TMEM87A: variants seen among roughly 807,000 people sequenced by gnomAD.
The protein encoded by TMEM87A is Golgi-pH regulating cation channel.
In TMEM87A, 50 loss-of-function variants were observed where a neutral mutation model predicts 90.0. The observed-to-expected ratio is 0.56, with a 90% CI of 0.44 to 0.70. The LOEUF is 0.70. Ranked by LOEUF, TMEM87A falls within the 30% of genes least tolerant of loss-of-function variation. The pLI, the probability that TMEM87A is intolerant of heterozygous loss-of-function variation, is 0.00. For missense variants in TMEM87A, 577 were observed against 660.5 expected, an observed-to-expected ratio of 0.87 and a Z score of 1.39; for synonymous variants, 226 against 226.7, an observed-to-expected ratio of 1.00 and a Z score of 0.03.
rs1433961603 is a variant in TMEM87A at position 42,260,991 on chromosome 15, A to G, written c.471T>C (p.Asn157=). The G allele has an allele frequency of 3.7e-6, 6 of 1,600,124 alleles. No individual in the cohort carries two copies. The highest frequency in any genetic ancestry group is 1.7e-5 in the Admixed American group (1 of 57,408). The change falls in exon 6 of 20, where the codon AAT becomes AAC. Residue 157 remains asparagine (N), a synonymous_variant. Coordinates refer to ENST00000389834, the MANE Select transcript of TMEM87A (RefSeq NM_015497.5). ...CTCCAATAAAGGTAAGGTTTGTTCC[A>G]TTCTCCTTAGCCTTTAAACATTAAA... ...LLGEKQEAKE[N]GTNLTFIGDK... is the part of the protein sequence containing the mutation.
At chr15:42,255,167 CTT>C (rs915122512) in intron 6 of TMEM87A, among the ~76,000 whole-genome samples, 7 of 151,876 alleles carry the variant, frequency 4.6e-5, no homozygotes, top group African/African-American at 1.2e-4. Context: ...GAGTTTTGCT[CTT>C]GTCGCCCAGG....
At chr15:42,215,277 A>G (rs1193111200) in intron 19 of TMEM87A, among the ~76,000 whole-genome samples, 1 of 152,162 alleles carries the variant, frequency 6.6e-6, no homozygotes, top group Non-Finnish European at 1.5e-5. Context: ...AGGTGGGTGG[A>G]TCACAAGGTC....
chr15:42,250,225 G>A (rs1392709914), intron 6 of TMEM87A, among the ~76,000 whole-genome samples: 1 of 152,156 alleles, frequency 6.6e-6, no homozygotes, highest in Non-Finnish European at 1.5e-5. Context: ...TATCCAATTT[G>A]CCAGTCTGTG....
chr15:42,231,141 T>G, intron 12 of TMEM87A, 51 bp downstream of exon 12: 1 of 1,043,638 alleles, frequency 9.6e-7, no homozygotes, highest in East Asian at 2.8e-5. Context: ...TGGAAACCCA[T>G]CTCAAGGGGA....
At chr15:42,219,981 A>G in intron 16 of TMEM87A, 81 bp downstream of exon 16, 1 of 1,307,182 alleles carries the variant, frequency 7.7e-7, no homozygotes. Context: ...TATAGGAACA[A>G]CACAGTTATA....
intron 6 of TMEM87A, among the ~76,000 whole-genome samples, chr15:42,252,487 T>G (rs2051105170): frequency 6.6e-6 from 1 of 152,204 alleles, no homozygotes; most frequent in African/African-American, 2.4e-5. Flanking sequence ...AGCCTCTCAA[T>G]CTTTCTGAAA....
rs543889929 is a variant in TMEM87A at position 42,241,526 on chromosome 15, A to G, written c.623-1795T>C. ...TTTGACATAAGGCAGCAAAAGGTAA[A>G]CTGGGACCAGTTGTAAAGAGTTTTA... On this transcript the variant is annotated intron_variant, in intron 7 of 19. Coordinates refer to ENST00000389834, the MANE Select transcript of TMEM87A (RefSeq NM_015497.5). Among the ~76,000 whole-genome samples, 3 of 152,326 alleles carry G rather than the reference A, an allele frequency of 2.0e-5. No individual in the cohort carries two copies. The South Asian group carries it at 6.2e-4, about 32-fold the overall frequency.
chr15:42,211,694 A>G lies in TMEM87A; in HGVS notation c.*14T>C. 6.2e-7 allele frequency: 1 copy of G among 1,613,224 alleles called. No homozygotes were observed. The highest frequency in any genetic ancestry group is 8.5e-7 in the Non-Finnish European group (1 of 1,179,502). On this transcript the variant is annotated 3_prime_UTR_variant, in exon 20 of 20. Coordinates refer to ENST00000389834, the MANE Select transcript of TMEM87A (RefSeq NM_015497.5). ...CTGATGGTAGCCATCTTTAACTGCA[A>G]ATCTTCCCATTCCTTACTCCATTTT...
chr15:42,228,778 G>T lies in TMEM87A; in HGVS notation c.1174C>A (p.Arg392=). 3 of 1,606,718 alleles carry T rather than the reference G, an allele frequency of 1.9e-6. No individual in the cohort carries two copies. The highest frequency in any genetic ancestry group is 1.7e-6 in the Non-Finnish European group (2 of 1,177,868). The change falls in exon 13 of 20, where the codon CGG becomes AGG. Residue 392 remains arginine (R), a synonymous_variant. Coordinates refer to ENST00000389834, the MANE Select transcript of TMEM87A (RefSeq NM_015497.5). ...AAAGAGAGTTTTACAATGTTCCTCC[G>T]AAGTTTTAATAGCTTCATTGTTTGA... ...LTQTMKLLKL[R]RNIVKLSLYR...
At chr15:42,258,267 T>A in intron 6 of TMEM87A, 1 of 761,590 alleles carries the variant, frequency 1.3e-6, no homozygotes, top group African/African-American at 1.9e-5. Context: ...AAGATTCCCT[T>A]TTTAAAATAA....
chr15:42,226,978 C>A, intron 14 of TMEM87A, 69 bp from the exon 15 acceptor site: 2 of 1,452,310 alleles, frequency 1.4e-6, no homozygotes, highest in South Asian at 1.2e-5. Context: ...AAGCCTTTGG[C>A]ATAGAACAAA....
At chr15:42,225,385 T>C (rs978167895) in intron 15 of TMEM87A, among the ~76,000 whole-genome samples, 2 of 152,230 alleles carry the variant, frequency 1.3e-5, no homozygotes, top group Non-Finnish European at 2.9e-5. Flanking sequence ...ACAAATCAGA[T>C]TTACACATAC....
At chr15:42,242,238 G>C (rs2050885839) in intron 7 of TMEM87A, among the ~76,000 whole-genome samples, 1 of 152,112 alleles carries the variant, frequency 6.6e-6, no homozygotes, top group South Asian at 2.1e-4. Flanking sequence ...AGTTGGAAGT[G>C]CTGTCCCTAT....
In TMEM87A at chr15:42,264,699, A is replaced by ATATATTTTTTTTT. The variant is rs10681614; in HGVS notation, c.292-497_292-496insAAAAAAAAATATA. ...TATGTGTGTGTATATATATATATAT[A>ATATATTTTTTTTT]TTTTTTTTTTAACTTTTATTTTAGG... is the stretch of plus-strand genomic sequence containing the variant. On this transcript the variant is annotated intron_variant, in intron 3 of 19. Coordinates refer to ENST00000389834, the MANE Select transcript of TMEM87A (RefSeq NM_015497.5). 4.7e-3 allele frequency among the ~76,000 whole-genome samples: 512 copies of ATATATTTTTTTTT among 109,424 alleles called. 3 individuals carry two copies. Among genetic ancestry groups the ATATATTTTTTTTT allele is most frequent in the East Asian group, 8.7e-3 (30 of 3,454 alleles). The allele number at this position is 109,424 out of a possible 152,430, so 71.8% of individuals were successfully genotyped here. A position where few individuals can be genotyped will look rare whatever the true frequency, so the allele number is the denominator to read the frequency against.
intron 6 of TMEM87A, among the ~76,000 whole-genome samples, chr15:42,247,842 T>C (rs997064719): frequency 6.6e-6 from 1 of 152,178 alleles, no homozygotes; most frequent in Non-Finnish European, 1.5e-5. Context: ...GGTAGCTTGA[T>C]GGGGATGGCA....
intron 6 of TMEM87A, among the ~76,000 whole-genome samples, chr15:42,256,531 T>C (rs1418569318): frequency 1.3e-5 from 2 of 152,248 alleles, no homozygotes; most frequent in Non-Finnish European, 2.9e-5. Context: ...CTTTTGACTA[T>C]ATTTTGACTA....
chr15:42,252,059 C>T (rs560415246), intron 6 of TMEM87A, among the ~76,000 whole-genome samples: 12 of 152,354 alleles, frequency 7.9e-5, no homozygotes, highest in South Asian at 2.1e-4. Context: ...GAGCCAGGTG[C>T]GGGATATAAT....
intron 17 of TMEM87A, chr15:42,218,980 G>C (rs1012295744): frequency 4.6e-5 from 7 of 152,746 alleles, no homozygotes; most frequent in Admixed American, 3.9e-4. Flanking sequence ...TTTTGAGGAA[G>C]CTCCATACTA....
intron 15 of TMEM87A, among the ~76,000 whole-genome samples, chr15:42,220,787 A>T (rs633310): frequency 0.92 from 140,207 of 152,178 alleles, 64,829 homozygotes; most frequent in Middle Eastern, 0.98. Flanking sequence ...TTGTTTTATT[A>T]TTTATTTATT....
Sources: allele counts gnomAD v4.1 joint callset (sites outside exome capture counted in the v4.1 genomes callset), GRCh38; gene constraint gnomAD v4.1.1; transcripts MANE v1.5; gene names NCBI Gene and HGNC (gene_info 2026-07-23, HGNC 2026-07-21).